Variants in TANC2 observed in about 807,000 individuals in gnomAD.
TANC2 encodes tetratricopeptide repeat, ankyrin repeat and coiled-coil containing 2.
A neutral mutation model predicts 210.5 loss-of-function variants in TANC2; 26 were observed. The observed-to-expected ratio is 0.12, with a 90% CI of 0.09 to 0.17. TANC2 has a LOEUF of 0.17. Ranked by LOEUF, TANC2 falls within the 10% of genes least tolerant of loss-of-function variation. TANC2 has a pLI of 1.00. For missense variants in TANC2, 2,129 were observed against 2,608.9 expected, an observed-to-expected ratio of 0.82 and a Z score of 4.01; for synonymous variants, 931 against 967.1, an observed-to-expected ratio of 0.96 and a Z score of 0.69.
At chr17:63,098,473 CACACACA>C (rs2037483520) in intron 3 of TANC2, among the ~76,000 whole-genome samples, 6 of 36,882 alleles carry the variant, frequency 1.6e-4, no homozygotes, top group African/African-American at 1.2e-3. Flanking sequence ...CACACACACA[CACACACA>C]TACACTCTCT....
At chr17:63,234,021 G>C (rs1268480577) in intron 7 of TANC2, among the ~76,000 whole-genome samples, 1 of 152,168 alleles carries the variant, frequency 6.6e-6, no homozygotes, top group East Asian at 1.9e-4. Context: ...GTTGTTATCT[G>C]GAATGACTGG....
chr17:62,995,485 C>A (rs1320366694), intron 1 of TANC2, among the ~76,000 whole-genome samples: 1 of 152,208 alleles, frequency 6.6e-6, no homozygotes, highest in Non-Finnish European at 1.5e-5. Context: ...TAAAGAAACA[C>A]TGGGTCAGCT....
intron 3 of TANC2, among the ~76,000 whole-genome samples, chr17:63,082,723 G>C (rs913193803): frequency 6.6e-6 from 1 of 152,066 alleles, no homozygotes; most frequent in Non-Finnish European, 1.5e-5. Flanking sequence ...ATGAGTGGAA[G>C]TTCATTTTGC....
At chr17:63,113,944 G>C (rs1051476641) in intron 4 of TANC2, among the ~76,000 whole-genome samples, 21 of 152,130 alleles carry the variant, frequency 1.4e-4, no homozygotes, top group African/African-American at 5.1e-4. Context: ...TCTGGTTAAT[G>C]TTCATGTTTC....
At chr17:63,230,598 G>A (rs1384867907) in intron 7 of TANC2, among the ~76,000 whole-genome samples, 2 of 152,144 alleles carry the variant, frequency 1.3e-5, no homozygotes, top group Non-Finnish European at 2.9e-5. Flanking sequence ...GGTTTGGAGT[G>A]AGTTTCTTAA....
At position 63,047,070 on chromosome 17, in the gene TANC2, C is replaced by A. The variant is rs1158395653; in HGVS notation, c.68-26873C>A. 2.0e-5 allele frequency among the ~76,000 whole-genome samples: 3 copies of A among 152,072 alleles called. No homozygotes were observed. In the East Asian group the frequency reaches 5.8e-4, roughly 29 times the overall value. The stretch of plus-strand genomic sequence containing the variant: ...CATAAAAATAGCCTATTACTAATAT[C>A]TTTTGAAATTTTTATATCTTCATAT... On this transcript the variant is annotated intron_variant, in intron 2 of 27. Coordinates refer to ENST00000689528, the Ensembl canonical transcript of TANC2.
At chr17:63,417,371 A>G (rs2048896223) in intron 26 of TANC2, among the ~76,000 whole-genome samples, 1 of 152,128 alleles carries the variant, frequency 6.6e-6, no homozygotes. Flanking sequence ...CTTTTAGCTT[A>G]GTATTTAAGG....
At chr17:63,274,619 C>T (rs1598751733) in intron 9 of TANC2, among the ~76,000 whole-genome samples, 1 of 151,906 alleles carries the variant, frequency 6.6e-6, no homozygotes, top group Non-Finnish European at 1.5e-5. Context: ...TTCGAGACCA[C>T]CCTGGGCAAC....
At chr17:63,188,634 A>G (rs1159104201) in intron 5 of TANC2, among the ~76,000 whole-genome samples, 1 of 151,514 alleles carries the variant, frequency 6.6e-6, no homozygotes, top group Non-Finnish European at 1.5e-5. Context: ...TTTGTAGTCT[A>G]GTTAATTGTA....
At chr17:63,342,311 AGT>A (rs1381302787) in intron 12 of TANC2, among the ~76,000 whole-genome samples, 2 of 152,160 alleles carry the variant, frequency 1.3e-5, no homozygotes, top group Non-Finnish European at 2.9e-5. Context: ...TATCCCTTTG[AGT>A]AAATTGTATG....
chr17:63,325,099 G>A (rs574465575), intron 11 of TANC2, among the ~76,000 whole-genome samples: 1 of 152,110 alleles, frequency 6.6e-6, no homozygotes, highest in South Asian at 2.1e-4. Flanking sequence ...CAAGGCGGAT[G>A]TTGTCCTGTC....
intron 3 of TANC2, among the ~76,000 whole-genome samples, chr17:63,080,588 T>C (rs2036736485): frequency 6.6e-6 from 1 of 152,224 alleles, no homozygotes; most frequent in Admixed American, 6.5e-5. Context: ...ATAGAACTAG[T>C]ATATTAAATT....
intron 8 of TANC2, among the ~76,000 whole-genome samples, chr17:63,266,280 T>G (rs894508345): frequency 6.6e-6 from 1 of 152,168 alleles, no homozygotes; most frequent in Non-Finnish European, 1.5e-5. Flanking sequence ...TTTAGTAAAA[T>G]GTTTCCTTGC....
At chr17:63,250,025 A>G (rs2043014400) in intron 8 of TANC2, among the ~76,000 whole-genome samples, 1 of 152,152 alleles carries the variant, frequency 6.6e-6, no homozygotes, top group Admixed American at 6.6e-5. Flanking sequence ...TCAAAAATGC[A>G]TGTCAGTTAA....
chr17:63,132,008 C>T (rs368498872), intron 4 of TANC2, among the ~76,000 whole-genome samples: 47 of 152,274 alleles, frequency 3.1e-4, no homozygotes, highest in South Asian at 8.3e-4. Context: ...TTAAATCTAG[C>T]TTTAGTGCCC....
intron 8 of TANC2, among the ~76,000 whole-genome samples, chr17:63,254,512 T>C (rs1396304390): frequency 1.3e-5 from 2 of 152,256 alleles, no homozygotes; most frequent in Non-Finnish European, 2.9e-5. Context: ...CAGAACTATG[T>C]TGAATAACAG....
intron 4 of TANC2, among the ~76,000 whole-genome samples, chr17:63,143,136 A>T (rs1355101053): frequency 6.6e-6 from 1 of 152,200 alleles, no homozygotes; most frequent in Non-Finnish European, 1.5e-5. Context: ...ACAAATAGTT[A>T]TTGCAGGTTT....
chr17:63,073,987 G>C, exon 3 of TANC2: 1 of 1,589,196 alleles, frequency 6.3e-7, no homozygotes, highest in Non-Finnish European at 8.6e-7. Context: ...GTCAAGTGTA[G>C]ACTCTCGCCA....
chr17:63,423,669 C>A (rs1044582638), exon 28 of TANC2: 3 of 152,142 alleles, frequency 2.0e-5, no homozygotes, highest in Admixed American at 2.0e-4. Context: ...GGAGCATGAA[C>A]CTGAGATCAG....
Sources: allele counts gnomAD v4.1 joint callset (sites outside exome capture counted in the v4.1 genomes callset), GRCh38; gene constraint gnomAD v4.1.1; transcripts MANE v1.5; gene names NCBI Gene and HGNC (gene_info 2026-07-23, HGNC 2026-07-21).